Variants in UBN1 observed in about 807,000 individuals in gnomAD.
The protein encoded by UBN1 is ubinuclein-1.
In UBN1, 17 loss-of-function variants were observed where a neutral mutation model predicts 108.5. The observed-to-expected ratio is 0.16, with a 90% CI of 0.11 to 0.24. The LOEUF is 0.24. UBN1 is among the 10% of genes least tolerant of loss of function. UBN1 has a pLI of 1.00. For synonymous variants in UBN1, 726 were observed against 564.2 expected (o/e 1.29, Z -4.07); for missense variants, 1,595 against 1,394.4 (o/e 1.14, Z -2.29).
chr16:4,875,427 C>T lies in UBN1; in HGVS notation c.3017C>T (p.Ser1006Phe). 6.2e-7 allele frequency: 1 copy of T among 1,608,290 alleles called. No homozygotes were observed. Among genetic ancestry groups the T allele is most frequent in the Non-Finnish European group, 8.5e-7 (1 of 1,175,950 alleles). Residue 1006 changes from serine (S) to phenylalanine (F), a missense_variant, in exon 15 of 18, where the codon TCC becomes TTC. By Grantham distance (155) the Ser-to-Phe change is radical. Transcript: ENST00000262376. ...SAVSSVTSST[S>F]LSKGASGTVL... is the part of the protein sequence containing the mutation. Reference sequence around the variant, plus strand: ...GTTAGTAGTGTGACATCGTCTACCTCCTTGTCAGTGAGTATCTGTCATAGC... The same window carrying T: ...GTTAGTAGTGTGACATCGTCTACCTTCTTGTCAGTGAGTATCTGTCATAGC...
At chr16:4,871,463 AG>A (rs924549945) in intron 12 of UBN1, among the ~76,000 whole-genome samples, 162 bp downstream of exon 12, 1 of 151,864 alleles carries the variant, frequency 6.6e-6, no homozygotes, top group African/African-American at 2.4e-5. Flanking sequence ...TAGCTGGGAA[AG>A]GGTCTTCTGG....
chr16:4,861,818 C>T (rs560692010), intron 7 of UBN1, among the ~76,000 whole-genome samples: 1 of 152,138 alleles, frequency 6.6e-6, no homozygotes, highest in African/African-American at 2.4e-5. Context: ...TGGCGCTCGC[C>T]GTAATCCCGG....
chr16:4,861,250 AG>A, intron 7 of UBN1, 148 bp downstream of exon 7: 1 of 930,406 alleles, frequency 1.1e-6, no homozygotes, highest in Non-Finnish European at 1.6e-6. Flanking sequence ...TCTCATCCTG[AG>A]GGAGAAAACA....
chr16:4,857,924 A>C, intron 2 of UBN1, 66 bp from the exon 3 acceptor site: 1 of 1,216,042 alleles, frequency 8.2e-7, no homozygotes, highest in Non-Finnish European at 1.2e-6. Flanking sequence ...TAATCAGTGA[A>C]GTTTCTATGA....
chr16:4,874,719 A>G lies in UBN1; in HGVS notation c.2309A>G (p.Asn770Ser), dbSNP rs758557586. The G allele has an allele frequency of 1.7e-5, 27 of 1,613,874 alleles. No homozygotes were observed. The African/African-American group carries it at 2.3e-4, about 14-fold the overall frequency. The change falls in exon 15 of 18, where the codon AAT (asparagine) becomes AGT (serine). Residue 770 changes from asparagine to serine, a missense_variant. By Grantham distance (46) the Asn-to-Ser change is conservative (BLOSUM62 1). Coordinates refer to ENST00000262376, the MANE Select transcript of UBN1 (RefSeq NM_001079514.3). ...GAGCTGTCCTGCCAGGCTCCCCTCA[A>G]TAAGGGCCTGCCAGAAGTACATCAG... ...YKELSCQAPL[N>S]KGLPEVHQSK...
rs894817232 is a variant in UBN1, at chr16:4,847,534, C to T, written c.-716C>T. On this transcript the variant is annotated 5_prime_UTR_variant, in exon 1 of 18. Transcript: ENST00000262376. ...ACAACGAAGCGCCCGCGGTCTGAGG[C>T]GGCGGCGGCGGCGACGGTGCGACCG... The T allele has an allele frequency of 2.2e-6, 1 of 445,522 alleles. No individual in the cohort carries two copies. The highest frequency in any genetic ancestry group is 4.0e-6 in the Non-Finnish European group (1 of 252,110). The allele number at this position is 445,522 out of a possible 1,614,324, so 27.6% of individuals were successfully genotyped here.
rs1049963031 is a variant in UBN1, at chr16:4,870,946, G to A, written c.1533G>A (p.Lys511=). The A allele has an allele frequency of 1.2e-6, 2 of 1,614,070 alleles. No homozygotes were observed. Among genetic ancestry groups the A allele is most frequent in the Non-Finnish European group, 1.7e-6 (2 of 1,180,032 alleles). ...KGGRRIMGPR[K]KFQWNDEIRE... Reference sequence around the variant, plus strand: ...GCAGGAGGATAATGGGACCTCGGAAGAAGTTCCAATGGAATGATGAGATCA... The same window carrying A: ...GCAGGAGGATAATGGGACCTCGGAAAAAGTTCCAATGGAATGATGAGATCA... The change falls in exon 11 of 18, where the codon AAG becomes AAA. Residue 511 remains lysine (K), a synonymous_variant. Coordinates refer to ENST00000262376, the MANE Select transcript of UBN1 (RefSeq NM_001079514.3).
At chr16:4,867,238 G>C (rs901921704) in intron 7 of UBN1, among the ~76,000 whole-genome samples, 26 of 152,158 alleles carry the variant, frequency 1.7e-4, no homozygotes, top group African/African-American at 5.8e-4. Context: ...GAAGCCAGTG[G>C]GTCTGGTGTA....
intron 12 of UBN1, among the ~76,000 whole-genome samples, chr16:4,871,846 T>A (rs1195043535): frequency 1.3e-5 from 2 of 152,052 alleles, no homozygotes; most frequent in East Asian, 3.9e-4. Flanking sequence ...TTGGCCTCCC[T>A]AAGTGCTGGG....
intron 2 of UBN1, among the ~76,000 whole-genome samples, chr16:4,854,156 C>A (rs1005877966): frequency 6.6e-6 from 1 of 152,136 alleles, no homozygotes; most frequent in African/African-American, 2.4e-5. Flanking sequence ...GCCTCAGCCT[C>A]CCGAGTAGCT....
intron 6 of UBN1, among the ~76,000 whole-genome samples, chr16:4,860,243 C>T (rs962500795): frequency 6.6e-6 from 1 of 152,204 alleles, no homozygotes; most frequent in Non-Finnish European, 1.5e-5. Flanking sequence ...CCCAGTTCTC[C>T]TTCTGTCTCC....
chr16:4,871,316 C>T lies in UBN1; in HGVS notation c.1706+15C>T. The T allele has an allele frequency of 6.2e-7, 1 of 1,611,896 alleles. No homozygotes were observed. ...ATGCAGGCCAGGTGAGGGCCGTGTGCTGAGATGGGCATCTGTGCAGTCAAG... is the reference window on the plus strand; with the variant it reads ...ATGCAGGCCAGGTGAGGGCCGTGTGTTGAGATGGGCATCTGTGCAGTCAAG... On this transcript the variant is annotated intron_variant, in intron 12 of 17. Coordinates refer to ENST00000262376, the MANE Select transcript of UBN1 (RefSeq NM_001079514.3).
At chr16:4,868,950 C>G in intron 8 of UBN1, 47 bp downstream of exon 8, 1 of 1,606,778 alleles carries the variant, frequency 6.2e-7, no homozygotes, top group Non-Finnish European at 8.5e-7. Flanking sequence ...TCTGCTATTA[C>G]TGAGCTTGGG....
At chr16:4,872,768 C>A in intron 12 of UBN1, 116 bp from the exon 13 acceptor site, 1 of 1,242,128 alleles carries the variant, frequency 8.1e-7, no homozygotes, top group African/African-American at 1.5e-5. Flanking sequence ...TGCGCCTGGC[C>A]AGTTGACATT....
At chr16:4,858,982 C>T (rs2086930921) in intron 4 of UBN1, 43 bp from the exon 5 acceptor site, 1 of 1,604,412 alleles carries the variant, frequency 6.2e-7, no homozygotes, top group Non-Finnish European at 8.5e-7. Context: ...CTTCGGACTG[C>T]AGAAGCAGAA....
chr16:4,870,025 T>C (rs1158347149), intron 8 of UBN1, among the ~76,000 whole-genome samples, 187 bp from the exon 9 acceptor site: 1 of 152,190 alleles, frequency 6.6e-6, no homozygotes, highest in Non-Finnish European at 1.5e-5. Context: ...TTCATCAGGC[T>C]TGGGAGTTGT....
intron 7 of UBN1, among the ~76,000 whole-genome samples, chr16:4,867,107 G>T (rs937022840): frequency 6.6e-6 from 1 of 152,242 alleles, no homozygotes; most frequent in African/African-American, 2.4e-5. Context: ...CAAATGCCAT[G>T]TGAAGGAGTT....
At chr16:4,851,161 G>T (rs2086538367) in intron 1 of UBN1, among the ~76,000 whole-genome samples, 1 of 152,140 alleles carries the variant, frequency 6.6e-6, no homozygotes. Context: ...TTATAGCATA[G>T]CAAATTCATC....
At chr16:4,868,584 A>T (rs556751039) in intron 7 of UBN1, among the ~76,000 whole-genome samples, 5 of 152,204 alleles carry the variant, frequency 3.3e-5, no homozygotes, top group African/African-American at 1.2e-4. Flanking sequence ...TTTGACTCTG[A>T]TTTTCTTTTC....
Sources: allele counts gnomAD v4.1 joint callset (sites outside exome capture counted in the v4.1 genomes callset), GRCh38; gene constraint gnomAD v4.1.1; transcripts MANE v1.5; gene names NCBI Gene and HGNC (gene_info 2026-07-23, HGNC 2026-07-21).